Variants in DHX29 observed in about 807,000 individuals in gnomAD.
DHX29 encodes DExH-box helicase 29.
In DHX29, 79 loss-of-function variants were observed where a neutral mutation model predicts 167.9. That is an observed-to-expected ratio of 0.47 (90% confidence interval 0.39 to 0.57). DHX29 has a LOEUF of 0.57. Among genes scored for constraint, DHX29 ranks in the 20% least tolerant of loss-of-function variants. DHX29 has a pLI of 0.00. For synonymous variants in DHX29, 530 were observed against 546.0 expected (o/e 0.97, Z 0.41); for missense variants, 1,347 against 1,593.4 (o/e 0.85, Z 2.63).
intron 4 of DHX29, 147 bp from the exon 5 acceptor site, chr5:55,295,671 A>C: frequency 1.3e-6 from 1 of 776,390 alleles, no homozygotes; most frequent in East Asian, 2.7e-5. Flanking sequence ...AGAAATCTTA[A>C]GATGAACCTG....
intron 3 of DHX29, 136 bp downstream of exon 3, chr5:55,297,149 C>A: frequency 1.7e-6 from 1 of 594,696 alleles, no homozygotes; most frequent in Non-Finnish European, 2.9e-6. Context: ...GTGCACAATT[C>A]TTTCTCTATT....
At chr5:55,271,358 A>T (rs1475163711) in intron 18 of DHX29, among the ~76,000 whole-genome samples, 1 of 152,194 alleles carries the variant, frequency 6.6e-6, no homozygotes, top group Admixed American at 6.5e-5. Flanking sequence ...TGGCTGGGCG[A>T]GGTGGCTCAC....
rs773832781 is a variant in DHX29, at chr5:55,290,319, G to A, written c.806C>T (p.Ala269Val). The A allele has an allele frequency of 1.9e-6, 3 of 1,609,422 alleles. No individual in the cohort carries two copies. Among genetic ancestry groups the A allele is most frequent in the Non-Finnish European group, 1.7e-6 (2 of 1,179,024 alleles). The part of the protein sequence containing the change: ...DPNERYLHLA[A>V]KLLDAKEQAA... ...TTGTTCTTTTGCATCCAGCAGTTTTGCTGCAAGATGTAAGTACCTTTCATT... is the reference window on the plus strand; with the variant it reads ...TTGTTCTTTTGCATCCAGCAGTTTTACTGCAAGATGTAAGTACCTTTCATT... Residue 269 changes from alanine to valine, a missense_variant, in exon 7 of 27, where the codon GCA (alanine) becomes GTA (valine). This residue lies in a region of DHX29 where 405 missense variants were observed against 416.8 expected (regional missense o/e 0.97). Transcript: ENST00000251636.
At chr5:55,261,346 T>C in intron 25 of DHX29, 22 bp downstream of exon 25, 1 of 1,419,414 alleles carries the variant, frequency 7.0e-7, no homozygotes, top group Non-Finnish European at 9.6e-7. Flanking sequence ...TAATAATCAA[T>C]AAAATCAGTT....
intron 2 of DHX29, among the ~76,000 whole-genome samples, chr5:55,297,855 G>A (rs926585895): frequency 6.6e-6 from 1 of 152,080 alleles, no homozygotes; most frequent in Admixed American, 6.6e-5. Context: ...AATTCTTTTG[G>A]CTTCTAGACT....
chr5:55,294,295 A>T, intron 5 of DHX29, 150 bp from the exon 6 acceptor site: 1 of 736,298 alleles, frequency 1.4e-6, no homozygotes, highest in Non-Finnish European at 2.0e-6. Flanking sequence ...AAATAAATTG[A>T]CCTTAACATT....
intron 26 of DHX29, among the ~76,000 whole-genome samples, chr5:55,257,808 A>G (rs574688312): frequency 7.8e-4 from 119 of 152,340 alleles, no homozygotes; most frequent in Non-Finnish European, 1.4e-3. Context: ...GGAAACACTG[A>G]TATCATTTCA....
Position 55,262,682 on chromosome 5 carries a change from G to A in DHX29, c.3776C>T (p.Ser1259Phe), listed in dbSNP as rs147947389. The change falls in exon 24 of 27, where the codon TCC (serine) becomes TTC (phenylalanine). Residue 1259 changes from serine (S) to phenylalanine (F), a missense_variant. Physicochemically the swap from Ser to Phe is radical, Grantham distance 155. Around this residue, in one of 3 missense-constraint regions of DHX29, gnomAD observed 882 missense variants for 1,082.4 expected, o/e 0.81. Coordinates refer to ENST00000251636, the MANE Select transcript of DHX29 (RefSeq NM_019030.4). ...AGTTTGCAAATCTCGATTTACTGAG[G>A]ATGGGTGTACTTGTGCTTTGCCTTG... ...TAQGKAQVHP[S>F]SVNRDLQTHG... 1.1e-3 allele frequency: 1,781 copies of A among 1,614,058 alleles called. 3 individuals carry two copies. The highest frequency in any genetic ancestry group is 1.7e-3 in the Middle Eastern group (10 of 6,058).
intron 1 of DHX29, among the ~76,000 whole-genome samples, chr5:55,304,243 A>G (rs1328860564): frequency 1.3e-5 from 2 of 151,334 alleles, no homozygotes; most frequent in Non-Finnish European, 2.9e-5. Flanking sequence ...CCCTCTCCCC[A>G]GGAGACTCTT....
At chr5:55,300,964 T>C (rs111427730) in intron 1 of DHX29, among the ~76,000 whole-genome samples, 159 of 152,268 alleles carry the variant, frequency 1.0e-3, no homozygotes, top group African/African-American at 3.7e-3. Flanking sequence ...TCTCTTGGCA[T>C]GTAGGTGGCC....
At chr5:55,289,973 A>G (rs1579803292) in intron 7 of DHX29, among the ~76,000 whole-genome samples, 1 of 152,224 alleles carries the variant, frequency 6.6e-6, no homozygotes, top group African/African-American at 2.4e-5. Context: ...GAACATAGCC[A>G]TTCATTTTTG....
At chr5:55,302,866 C>T (rs1431679529) in intron 1 of DHX29, among the ~76,000 whole-genome samples, 1 of 152,090 alleles carries the variant, frequency 6.6e-6, no homozygotes, top group Non-Finnish European at 1.5e-5. Context: ...CAGCTACTTT[C>T]CTTATTGCCT....
At chr5:55,258,121 C>G (rs1416591811) in intron 26 of DHX29, among the ~76,000 whole-genome samples, 2 of 152,186 alleles carry the variant, frequency 1.3e-5, no homozygotes, top group Non-Finnish European at 2.9e-5. Context: ...TTGTTCAGTA[C>G]AATCATACTG....
In DHX29 at chr5:55,290,317, T is replaced by C; in HGVS notation, c.808A>G (p.Lys270Glu). The C allele has an allele frequency of 6.2e-7, 1 of 1,610,854 alleles. No individual in the cohort carries two copies. Among genetic ancestry groups the C allele is most frequent in the Non-Finnish European group, 8.5e-7 (1 of 1,179,384 alleles). The change falls in exon 7 of 27, where the codon AAA (lysine) becomes GAA (glutamate). Residue 270 changes from lysine (K) to glutamate (E), a missense_variant. Physicochemically the swap from Lys to Glu is moderately conservative, Grantham distance 56. This residue lies in a region of DHX29 where 405 missense variants were observed against 416.8 expected (regional missense o/e 0.97). Coordinates refer to ENST00000251636, the MANE Select transcript of DHX29 (RefSeq NM_019030.4). ...PNERYLHLAA[K>E]LLDAKEQAAT... ...GCTTGTTCTTTTGCATCCAGCAGTT[T>C]TGCTGCAAGATGTAAGTACCTTTCA... is the stretch of plus-strand genomic sequence containing the variant.
chr5:55,256,149 T>C lies in DHX29; in HGVS notation c.*339A>G, dbSNP rs777546150. The stretch of plus-strand genomic sequence containing the variant: ...AAATTCTGCAGACATCAAGGACTGA[T>C]AGGGGATGAGGCAGCTACACAGGGA... On this transcript the variant is annotated 3_prime_UTR_variant, in exon 27 of 27. Coordinates refer to ENST00000251636, the MANE Select transcript of DHX29 (RefSeq NM_019030.4). 1.0e-4 allele frequency: 17 copies of C among 165,488 alleles called. No individual in the cohort carries two copies. The highest frequency in any genetic ancestry group is 1.7e-4 in the African/African-American group (7 of 41,718). 10.3% of individuals were successfully genotyped at this position (165,488 alleles called of 1,614,324 possible). A position where few individuals can be genotyped will look rare whatever the true frequency, so the allele number is the denominator to read the frequency against.
chr5:55,270,784 C>G, intron 18 of DHX29, 78 bp from the exon 19 acceptor site: 1 of 1,115,464 alleles, frequency 9.0e-7, no homozygotes, highest in Non-Finnish European at 1.4e-6. Context: ...TTGACTCTTA[C>G]AACTAAGTTA....
chr5:55,295,237 A>G, intron 5 of DHX29, 142 bp downstream of exon 5: 1 of 659,868 alleles, frequency 1.5e-6, no homozygotes, highest in South Asian at 2.1e-5. Flanking sequence ...TAAAACAAGC[A>G]ATGATAGAAA....
chr5:55,263,479 C>A (rs114212071), intron 23 of DHX29, among the ~76,000 whole-genome samples: 1,714 of 152,068 alleles, frequency 0.011, 30 homozygotes, highest in African/African-American at 0.039. Context: ...GAAGGGTGGG[C>A]ATTTTTCAAA....
intron 25 of DHX29, among the ~76,000 whole-genome samples, chr5:55,260,273 C>T (rs907944244): frequency 1.3e-5 from 2 of 151,916 alleles, no homozygotes; most frequent in Non-Finnish European, 2.9e-5. Context: ...TCTCTGTTGC[C>T]CAGGCTGGAG....
Sources: allele counts gnomAD v4.1 joint callset (sites outside exome capture counted in the v4.1 genomes callset), GRCh38; gene constraint gnomAD v4.1.1; regional missense constraint gnomAD v4.1.1; transcripts MANE v1.5; gene names NCBI Gene and HGNC (gene_info 2026-07-23, HGNC 2026-07-21).